The following GABBR2 variants were observed in gnomAD, a reference collection of about 807,000 sequenced individuals.
GABBR2 encodes G-protein coupled receptor 51.
In GABBR2, 23 loss-of-function variants were observed where a neutral mutation model predicts 105.6. The observed-to-expected ratio is 0.22, with a 90% confidence interval of 0.16 to 0.31. The LOEUF (loss-of-function observed/expected upper bound fraction) is 0.31, where lower values mean the gene tolerates loss of function less well. GABBR2 is among the 10% of genes least tolerant of loss of function. GABBR2 has a pLI of 1.00. For synonymous variants in GABBR2, 478 were observed against 499.7 expected, an observed-to-expected ratio of 0.96 and a Z score of 0.58; for missense variants, 734 against 1,245.5, an observed-to-expected ratio of 0.59 and a Z score of 6.18.
intron 1 of GABBR2, among the ~76,000 whole-genome samples, chr9:98,633,195 G>A (rs1472133944): frequency 6.6e-6 from 1 of 152,140 alleles, no homozygotes; most frequent in South Asian, 2.1e-4. Flanking sequence ...CACTGTCAGG[G>A]TGGTGTGAGA....
chr9:98,318,908 TGTGTGTTGG>T (rs1830769879), intron 13 of GABBR2, among the ~76,000 whole-genome samples: 1 of 131,602 alleles, frequency 7.6e-6, no homozygotes, highest in Admixed American at 7.7e-5. Context: ...TGTGTGTGTG[TGTGTGTTGG>T]GGGTGTGTGT....
intron 13 of GABBR2, among the ~76,000 whole-genome samples, chr9:98,318,614 C>T (rs1382262807): frequency 6.6e-6 from 1 of 152,128 alleles, no homozygotes; most frequent in Non-Finnish European, 1.5e-5. Context: ...TCACGGGGCT[C>T]TTGGCGCGGG....
Position 98,458,290 on chromosome 9 carries a change from C to T in GABBR2, c.1000-4073G>A, listed in dbSNP as rs895893544. 5.3e-5 allele frequency among the ~76,000 whole-genome samples: 8 copies of T among 152,352 alleles called. No individual in the cohort carries two copies. The East Asian group carries it at 9.6e-4, about 18-fold the overall frequency. Reference sequence around the variant, plus strand: ...CAGAGGTGAAACTGGCAGACTTTCTCGCTGGCATCCCTGTGGGAGGTTTGA... The same window carrying T: ...CAGAGGTGAAACTGGCAGACTTTCTTGCTGGCATCCCTGTGGGAGGTTTGA... On this transcript the variant is annotated intron_variant, in intron 6 of 18. Coordinates refer to ENST00000259455, the MANE Select transcript of GABBR2 (RefSeq NM_005458.8).
intron 9 of GABBR2, among the ~76,000 whole-genome samples, chr9:98,392,723 T>G (rs909156857): frequency 1.7e-4 from 26 of 152,194 alleles, no homozygotes; most frequent in African/African-American, 6.3e-4. Flanking sequence ...GCTGACCCAC[T>G]GGAATCAAAG....
chr9:98,426,364 T>C (rs987469996), intron 7 of GABBR2, among the ~76,000 whole-genome samples: 1 of 152,148 alleles, frequency 6.6e-6, no homozygotes, highest in Admixed American at 6.5e-5. Flanking sequence ...ATTTGCAAAA[T>C]GGTGTGTGTG....
chr9:98,541,817 G>T lies in GABBR2; in HGVS notation c.630+56C>A, dbSNP rs189681808. ...CCCTGACTAAACCACATTGCCTTTT[G>T]CTAGATGACAGCAGCAAGCAGTAAG... On this transcript the variant is annotated intron_variant, in intron 3 of 18. Coordinates refer to ENST00000259455, the MANE Select transcript of GABBR2 (RefSeq NM_005458.8). The T allele has an allele frequency of 3.7e-4, 570 of 1,543,272 alleles. 5 individuals are homozygous for T. The East Asian group carries it at 6.1e-3, about 16-fold the overall frequency.
intron 9 of GABBR2, among the ~76,000 whole-genome samples, chr9:98,392,757 T>C (rs1832203947): frequency 6.6e-6 from 1 of 152,202 alleles, no homozygotes; most frequent in African/African-American, 2.4e-5. Context: ...GTGGCAGCTT[T>C]CTCTATTGCT....
chr9:98,436,332 ACACACACACACAC>A lies in GABBR2; in HGVS notation c.1236+17636_1236+17648del, dbSNP rs1564068102. ...ATAAATATACCATATATATATATAT[ACACACACACACAC>A]ACCATATATATATATATATATATAT... On this transcript the variant is annotated intron_variant, in intron 7 of 18. Coordinates refer to ENST00000259455, the MANE Select transcript of GABBR2 (RefSeq NM_005458.8). Among the ~76,000 whole-genome samples the A allele has an allele frequency of 9.3e-4, 20 of 21,488 alleles. 1 individual carries two copies. The highest frequency in any genetic ancestry group is 3.7e-3 in the South Asian group (3 of 802). 14.1% of individuals were successfully genotyped at this position (21,488 alleles called of 152,430 possible).
intron 2 of GABBR2, among the ~76,000 whole-genome samples, chr9:98,542,967 T>C (rs1489033730): frequency 1.3e-5 from 2 of 152,134 alleles, no homozygotes; most frequent in Non-Finnish European, 1.5e-5. Context: ...ATATTTTATA[T>C]ATATAGCGTT....
At chr9:98,469,440 G>A (rs1057411860) in intron 6 of GABBR2, among the ~76,000 whole-genome samples, 36 of 152,132 alleles carry the variant, frequency 2.4e-4, no homozygotes, top group African/African-American at 8.4e-4. Flanking sequence ...ATCTCATCAT[G>A]AGAGCCTGGG....
intron 13 of GABBR2, among the ~76,000 whole-genome samples, chr9:98,325,280 A>ATTTT (rs1588102945): frequency 1.8e-5 from 2 of 109,768 alleles, no homozygotes; most frequent in African/African-American, 7.2e-5. Flanking sequence ...TAGGACAGCA[A>ATTTT]TTCTTTTTTT....
At chr9:98,626,132 G>A (rs1484036696) in intron 1 of GABBR2, among the ~76,000 whole-genome samples, 1 of 152,234 alleles carries the variant, frequency 6.6e-6, no homozygotes, top group Non-Finnish European at 1.5e-5. Flanking sequence ...CTGAGTGAAA[G>A]AGGCTGTCGC....
chr9:98,325,857 CAT>C (rs1830913189), intron 13 of GABBR2, among the ~76,000 whole-genome samples: 1 of 152,206 alleles, frequency 6.6e-6, no homozygotes, highest in South Asian at 2.1e-4. Flanking sequence ...TGTTCTCACA[CAT>C]ATACATGCAC....
intron 1 of GABBR2, among the ~76,000 whole-genome samples, chr9:98,693,674 C>G (rs892451781): frequency 1.3e-5 from 2 of 152,210 alleles, no homozygotes; most frequent in African/African-American, 2.4e-5. Context: ...GACCAGAGCT[C>G]AGAGCTGACC....
chr9:98,621,279 G>A (rs961157467), intron 1 of GABBR2, among the ~76,000 whole-genome samples: 6 of 152,138 alleles, frequency 3.9e-5, no homozygotes, highest in South Asian at 2.1e-4. Flanking sequence ...CAGGACTTGC[G>A]GAGTGAAGCA....
chr9:98,428,139 C>G (rs1825732574), intron 7 of GABBR2, among the ~76,000 whole-genome samples: 1 of 152,174 alleles, frequency 6.6e-6, no homozygotes, highest in African/African-American at 2.4e-5. Context: ...ATAATTCATC[C>G]TGGATGGCTC....
chr9:98,433,605 T>A (rs1176679220), intron 7 of GABBR2, among the ~76,000 whole-genome samples: 1 of 152,198 alleles, frequency 6.6e-6, no homozygotes, highest in Non-Finnish European at 1.5e-5. Flanking sequence ...GAAAGAAGAC[T>A]GGGACATCAT....
At chr9:98,621,076 G>C (rs1055060236) in intron 1 of GABBR2, among the ~76,000 whole-genome samples, 1 of 152,164 alleles carries the variant, frequency 6.6e-6, no homozygotes, top group Non-Finnish European at 1.5e-5. Context: ...TCTTATCTGC[G>C]CAGCAATTAC....
intron 1 of GABBR2, among the ~76,000 whole-genome samples, chr9:98,608,615 T>C (rs1406097413): frequency 6.6e-6 from 1 of 152,226 alleles, no homozygotes; most frequent in African/African-American, 2.4e-5. Flanking sequence ...GTTGACCCTA[T>C]GTTTTGACAC....
Sources: gnomAD v4.1 joint callset for allele counts (sites outside exome capture counted in the v4.1 genomes callset) on GRCh38, gnomAD v4.1.1 for gene constraint, MANE v1.5 for transcripts, NCBI Gene and HGNC (gene_info 2026-07-23, HGNC 2026-07-21) for gene names.